NALF1: variants seen among roughly 807,000 people sequenced by gnomAD.
NALF1 encodes the protein family with sequence similarity 155 member A.
A neutral mutation model predicts 48.4 loss-of-function variants in NALF1; 3 were observed. The ratio of observed to expected loss-of-function variants is 0.06; its 90% CI spans 0.03 to 0.16. The LOEUF (loss-of-function observed/expected upper bound fraction) is 0.16, where lower values mean the gene tolerates loss of function less well. NALF1 is among the 10% of genes least tolerant of loss of function. The probability of loss-of-function intolerance (pLI) is 1.00; values close to 1 mark genes in which losing one functional copy is unlikely to be tolerated. For missense variants in NALF1, 526 were observed against 571.5 expected, an observed-to-expected ratio of 0.92 and a Z score of 0.81; for synonymous variants, 262 against 245.7, an observed-to-expected ratio of 1.07 and a Z score of -0.62.
chr13:107,584,756 C>T (rs533849458), intron 1 of NALF1, among the ~76,000 whole-genome samples: 3 of 152,148 alleles, frequency 2.0e-5, no homozygotes, highest in Admixed American at 6.5e-5. Flanking sequence ...TTGGGAGGTC[C>T]CTGTGCCATG....
chr13:107,381,670 A>G (rs545837757), intron 1 of NALF1, among the ~76,000 whole-genome samples: 1 of 152,182 alleles, frequency 6.6e-6, no homozygotes, highest in South Asian at 2.1e-4. Flanking sequence ...ATCTAACAGT[A>G]AGGGAGTTTC....
At chr13:107,432,281 A>G (rs1191253324) in intron 1 of NALF1, among the ~76,000 whole-genome samples, 1 of 152,174 alleles carries the variant, frequency 6.6e-6, no homozygotes, top group Non-Finnish European at 1.5e-5. Flanking sequence ...GATCTGCCCC[A>G]TGATCCAAAC....
chr13:107,205,590 C>G (rs911696228), intron 2 of NALF1, among the ~76,000 whole-genome samples: 1 of 151,928 alleles, frequency 6.6e-6, no homozygotes, highest in African/African-American at 2.4e-5. Flanking sequence ...AGAAACATAA[C>G]CTTATTCCTG....
At chr13:107,726,921 G>C (rs1441315639) in intron 1 of NALF1, among the ~76,000 whole-genome samples, 5,105 of 145,532 alleles carry the variant, frequency 0.035, 232 homozygotes, top group Admixed American at 0.1. Flanking sequence ...TCTTGTGTGT[G>C]TGTGTGTGTG....
chr13:107,178,966 A>AC (rs1006397188), intron 2 of NALF1, among the ~76,000 whole-genome samples: 17 of 151,916 alleles, frequency 1.1e-4, no homozygotes, highest in African/African-American at 3.6e-4. Context: ...AAAAAAAAAA[A>AC]ACAAAAAATA....
intron 1 of NALF1, among the ~76,000 whole-genome samples, chr13:107,389,540 C>T (rs1034144184): frequency 1.3e-5 from 2 of 152,106 alleles, no homozygotes; most frequent in African/African-American, 4.8e-5. Flanking sequence ...AAATTTCTGG[C>T]CTCCAGAAAT....
intron 1 of NALF1, among the ~76,000 whole-genome samples, chr13:107,646,110 G>A (rs1458817437): frequency 1.3e-5 from 2 of 152,088 alleles, no homozygotes; most frequent in Non-Finnish European, 2.9e-5. Flanking sequence ...AGTCAGCACT[G>A]AGAGTTTTAC....
chr13:107,792,179 C>T (rs10508190), intron 1 of NALF1, among the ~76,000 whole-genome samples: 31,791 of 152,104 alleles, frequency 0.21, 4,090 homozygotes, highest in East Asian at 0.56. Context: ...AATTTTGTCT[C>T]TCTTATCAAG....
chr13:107,763,792 T>A (rs1476020401), intron 1 of NALF1, among the ~76,000 whole-genome samples: 1 of 152,168 alleles, frequency 6.6e-6, no homozygotes, highest in African/African-American at 2.4e-5. Context: ...TACAAAGTTA[T>A]ACAGACAGGA....
At chr13:107,327,072 G>A (rs945814233) in intron 1 of NALF1, among the ~76,000 whole-genome samples, 5 of 152,240 alleles carry the variant, frequency 3.3e-5, no homozygotes, top group African/African-American at 1.2e-4. Flanking sequence ...TCAGAACAGA[G>A]AACTGGGACT....
At chr13:107,334,579 G>A (rs1214986244) in intron 1 of NALF1, among the ~76,000 whole-genome samples, 2 of 152,110 alleles carry the variant, frequency 1.3e-5, no homozygotes, top group African/African-American at 2.4e-5. Flanking sequence ...AGTGAAAGCT[G>A]GGGGGAAAGA....
rs565217294 is a variant in NALF1 at position 107,523,687 on chromosome 13, G to A, written c.916-312932C>T. On this transcript the variant is annotated intron_variant, in intron 1 of 2. Coordinates refer to ENST00000375915, the MANE Select transcript of NALF1 (RefSeq NM_001080396.3). ...CTTAGTTTTCAAGTCTTGGTGTCTGGAAGGTTGGTAGTACCTATCTATGGG... is the reference window on the plus strand; with the variant it reads ...CTTAGTTTTCAAGTCTTGGTGTCTGAAAGGTTGGTAGTACCTATCTATGGG... Among the ~76,000 whole-genome samples, 26 of 152,052 alleles carry A rather than the reference G, an allele frequency of 1.7e-4. No individual in the cohort carries two copies. In the South Asian group the frequency reaches 5.4e-3, roughly 32 times the overall value.
intron 1 of NALF1, among the ~76,000 whole-genome samples, chr13:107,339,951 A>T (rs1441364761): frequency 6.6e-6 from 1 of 152,172 alleles, no homozygotes; most frequent in Non-Finnish European, 1.5e-5. Flanking sequence ...TATTTAAAAA[A>T]TTTCCTTTTC....
intron 1 of NALF1, among the ~76,000 whole-genome samples, chr13:107,486,379 A>C (rs2139065327): frequency 6.6e-6 from 1 of 152,312 alleles, no homozygotes; most frequent in East Asian, 1.9e-4. Context: ...CTTAGGGGAA[A>C]GATCATAGAA....
chr13:107,739,236 T>C (rs1876556555), intron 1 of NALF1, among the ~76,000 whole-genome samples: 1 of 151,878 alleles, frequency 6.6e-6, no homozygotes, highest in Non-Finnish European at 1.5e-5. Flanking sequence ...AGATGATGGT[T>C]GATAGGTGCA....
At chr13:107,325,849 CACACACATATATATAT>C (rs1163393445) in intron 1 of NALF1, among the ~76,000 whole-genome samples, 4 of 52,634 alleles carry the variant, frequency 7.6e-5, no homozygotes, top group Admixed American at 2.0e-4. Context: ...TCAACACACA[CACACACATATATATAT>C]ATATATATAT....
At chr13:107,201,450 G>A (rs1027220003) in intron 2 of NALF1, among the ~76,000 whole-genome samples, 9 of 152,138 alleles carry the variant, frequency 5.9e-5, no homozygotes, top group East Asian at 3.9e-4. Context: ...GGTGGCGGGC[G>A]CCTGTAGTCC....
At chr13:107,361,582 A>C (rs1013292888) in intron 1 of NALF1, among the ~76,000 whole-genome samples, 2 of 152,176 alleles carry the variant, frequency 1.3e-5, no homozygotes, top group Admixed American at 1.3e-4. Flanking sequence ...AAAGCTAGAG[A>C]AGAAATAATG....
intron 1 of NALF1, among the ~76,000 whole-genome samples, chr13:107,530,857 T>C (rs1289564902): frequency 2.0e-5 from 3 of 152,040 alleles, no homozygotes; most frequent in Non-Finnish European, 4.4e-5. Context: ...CTTATAAAGT[T>C]TTAAAAATAA....
Sources: allele counts gnomAD v4.1 joint callset (sites outside exome capture counted in the v4.1 genomes callset), GRCh38; gene constraint gnomAD v4.1.1; transcripts MANE v1.5; gene names NCBI Gene and HGNC (gene_info 2026-07-23, HGNC 2026-07-21).